KDM4C: variants seen among roughly 807,000 people sequenced by gnomAD.
KDM4C encodes the protein lysine demethylase 4C.
In KDM4C, 81 loss-of-function variants were observed where a neutral mutation model predicts 129.3. That is an observed-to-expected ratio of 0.63 (90% CI 0.52 to 0.75). The LOEUF (loss-of-function observed/expected upper bound fraction) is 0.75, where lower values mean the gene tolerates loss of function less well. Ranked by LOEUF, KDM4C falls within the 30% of genes least tolerant of loss-of-function variation. KDM4C has a pLI of 0.00. For missense variants in KDM4C, 1,457 were observed against 1,304.0 expected, an observed-to-expected ratio of 1.12 and a Z score of -1.81; for synonymous variants, 573 against 456.1, an observed-to-expected ratio of 1.26 and a Z score of -3.26.
At chr9:7,122,696 G>A (rs1343309026) in intron 18 of KDM4C, among the ~76,000 whole-genome samples, 1 of 152,164 alleles carries the variant, frequency 6.6e-6, no homozygotes, top group South Asian at 2.1e-4. Context: ...TGTCTGTAAC[G>A]TTTTTTTACT....
intron 4 of KDM4C, among the ~76,000 whole-genome samples, chr9:6,837,082 G>A (rs1836006251): frequency 6.6e-6 from 1 of 151,994 alleles, no homozygotes; most frequent in African/African-American, 2.4e-5. Flanking sequence ...TTTTAAGACA[G>A]GGTCTTGCCC....
intron 8 of KDM4C, among the ~76,000 whole-genome samples, chr9:6,925,890 T>A (rs1273551651): frequency 4.6e-5 from 7 of 152,072 alleles, no homozygotes; most frequent in East Asian, 1.9e-4. Context: ...CGTGAAAAAA[T>A]TCTGTTTTTT....
At chr9:6,928,123 C>T (rs1822971785) in intron 8 of KDM4C, among the ~76,000 whole-genome samples, 1 of 152,164 alleles carries the variant, frequency 6.6e-6, no homozygotes, top group African/African-American at 2.4e-5. Flanking sequence ...GTCTCTAGGC[C>T]AAAACCAGGA....
intron 8 of KDM4C, among the ~76,000 whole-genome samples, chr9:6,917,383 T>C (rs928940164): frequency 6.6e-6 from 1 of 152,214 alleles, no homozygotes; most frequent in Non-Finnish European, 1.5e-5. Flanking sequence ...GGTTGCTCAC[T>C]CACCTCAACT....
chr9:6,913,229 A>T (rs1246295048), intron 8 of KDM4C, among the ~76,000 whole-genome samples: 3 of 152,068 alleles, frequency 2.0e-5, no homozygotes, highest in Admixed American at 1.3e-4. Context: ...TCAAAAAATT[A>T]GCTACCCAGG....
chr9:6,956,208 A>C (rs183918400), intron 8 of KDM4C, among the ~76,000 whole-genome samples: 1 of 152,366 alleles, frequency 6.6e-6, no homozygotes, highest in African/African-American at 2.4e-5. Flanking sequence ...ACTATAGTCG[A>C]TAATAACTTA....
chr9:7,114,619 A>C (rs1838690056), intron 18 of KDM4C, among the ~76,000 whole-genome samples: 1 of 152,188 alleles, frequency 6.6e-6, no homozygotes, highest in African/African-American at 2.4e-5. Context: ...TTTTTAAAAA[A>C]TTCAAGACAA....
In KDM4C at chr9:6,777,187, G is replaced by T. The variant is rs144825784; in HGVS notation, c.-17-15785G>T. 2.2e-3 allele frequency among the ~76,000 whole-genome samples: 333 copies of T among 152,284 alleles called. 3 individuals are homozygous for T. Among genetic ancestry groups the T allele is most frequent in the African/African-American group, 6.6e-3 (275 of 41,568 alleles). On this transcript the variant is annotated intron_variant, in intron 1 of 21. Coordinates refer to ENST00000381309, the MANE Select transcript of KDM4C (RefSeq NM_015061.6). ...GTCAATTTAGGCAGCTATCTGGGAA[G>T]AATTCTTTTTATTAATATTATACTT...
intron 8 of KDM4C, among the ~76,000 whole-genome samples, chr9:6,966,449 C>T (rs1223849077): frequency 6.6e-6 from 1 of 152,210 alleles, no homozygotes; most frequent in Non-Finnish European, 1.5e-5. Context: ...GGATTACAGG[C>T]GTGAGCCACC....
chr9:6,870,820 G>T (rs577717908), intron 5 of KDM4C, among the ~76,000 whole-genome samples: 1 of 99,896 alleles, frequency 1.0e-5, no homozygotes, highest in South Asian at 2.4e-4. Context: ...ACTTCACACG[G>T]CCTTAGTTAG....
intron 19 of KDM4C, among the ~76,000 whole-genome samples, chr9:7,144,511 C>T (rs1180638125): frequency 6.6e-6 from 1 of 152,220 alleles, no homozygotes; most frequent in Non-Finnish European, 1.5e-5. Context: ...CCTTCCCTTT[C>T]AACTGGGGAC....
intron 19 of KDM4C, among the ~76,000 whole-genome samples, chr9:7,151,663 G>T (rs542081458): frequency 6.6e-6 from 1 of 152,296 alleles, no homozygotes; most frequent in South Asian, 2.1e-4. Flanking sequence ...TGGGCGACAG[G>T]AGTGAGACCC....
chr9:7,089,901 ATGGCCGTCAGC>A lies in KDM4C; in HGVS notation c.2425-13780_2425-13770del, dbSNP rs1396835074. On this transcript the variant is annotated intron_variant, in intron 17 of 21. Coordinates refer to ENST00000381309, the MANE Select transcript of KDM4C (RefSeq NM_015061.6). ...TCAGAGTTCTCATGAGGGATTTTGAATGGCCGTCAGCTGGGTTCCATTCCTAAGCTTGAACT... is the reference window on the plus strand; with the variant it reads ...TCAGAGTTCTCATGAGGGATTTTGAATGGGTTCCATTCCTAAGCTTGAACT... Among the ~76,000 whole-genome samples, 4 of 152,332 alleles carry A rather than the reference ATGGCCGTCAGC, an allele frequency of 2.6e-5. No homozygotes were observed. In the East Asian group the frequency reaches 7.7e-4, roughly 29 times the overall value.
At chr9:7,124,621 T>C (rs975835386) in intron 18 of KDM4C, among the ~76,000 whole-genome samples, 1 of 152,204 alleles carries the variant, frequency 6.6e-6, no homozygotes, top group Admixed American at 6.5e-5. Context: ...ACTGCGTAAT[T>C]ATTTCAGTAT....
At chr9:6,974,079 TC>T in intron 8 of KDM4C, among the ~76,000 whole-genome samples, 1 of 152,262 alleles carries the variant, frequency 6.6e-6, no homozygotes, top group Non-Finnish European at 1.5e-5. Flanking sequence ...AACCCCCTTT[TC>T]CCCCAGTTAC....
At chr9:7,165,535 C>A (rs540760929) in intron 20 of KDM4C, among the ~76,000 whole-genome samples, 178 bp downstream of exon 20, 31 of 152,240 alleles carry the variant, frequency 2.0e-4, no homozygotes, top group South Asian at 4.1e-4. Context: ...AGTTTTATTA[C>A]CAAGTTGGAC....
intron 1 of KDM4C, among the ~76,000 whole-genome samples, chr9:6,722,010 C>G (rs1816970290): frequency 6.6e-6 from 1 of 152,146 alleles, no homozygotes; most frequent in Non-Finnish European, 1.5e-5. Flanking sequence ...GCATGAACCT[C>G]CATGCCTGGC....
intron 15 of KDM4C, among the ~76,000 whole-genome samples, chr9:7,025,374 A>G (rs1198647728): frequency 6.6e-6 from 1 of 152,172 alleles, no homozygotes; most frequent in Admixed American, 6.5e-5. Context: ...ATTAAGAAGT[A>G]AGGATATGTT....
At chr9:6,842,219 C>G (rs1372013596) in intron 4 of KDM4C, among the ~76,000 whole-genome samples, 1 of 151,452 alleles carries the variant, frequency 6.6e-6, no homozygotes, top group African/African-American at 2.4e-5. Context: ...TTCCTTTATT[C>G]TTTTAAAATT....
Sources: gnomAD v4.1 joint callset for allele counts (sites outside exome capture counted in the v4.1 genomes callset) on GRCh38, gnomAD v4.1.1 for gene constraint, MANE v1.5 for transcripts, NCBI Gene and HGNC (gene_info 2026-07-23, HGNC 2026-07-21) for gene names.